The following NT5C3A variants were observed in gnomAD, a reference collection of about 807,000 sequenced individuals.
NT5C3A encodes 5'-nucleotidase, cytosolic IIIA.
Under a neutral mutation model 40.0 loss-of-function variants are expected in NT5C3A, and 23 were observed. The ratio of observed to expected loss-of-function variants is 0.58; its 90% CI spans 0.41 to 0.81. NT5C3A has a LOEUF of 0.81. Ranked by LOEUF, NT5C3A falls within the 40% of genes least tolerant of loss-of-function variation. The pLI, the probability that NT5C3A is intolerant of heterozygous loss-of-function variation, is 0.00. For missense variants in NT5C3A, 328 were observed against 403.0 expected (o/e 0.81, Z 1.59); for synonymous variants, 130 against 141.4 (o/e 0.92, Z 0.57).
At chr7:33,061,452 C>T (rs1014812462) in intron 1 of NT5C3A, among the ~76,000 whole-genome samples, 4 of 152,042 alleles carry the variant, frequency 2.6e-5, no homozygotes. Flanking sequence ...CAGTAGCTAT[C>T]CACAGGTGTG....
At chr7:33,041,060 C>T in intron 1 of NT5C3A, 1 of 985,386 alleles carries the variant, frequency 1.0e-6, no homozygotes, top group Non-Finnish European at 1.2e-6. Context: ...TAGCTCTGAG[C>T]TAGTCACAAG....
chr7:33,054,948 A>G (rs4723242), intron 1 of NT5C3A, among the ~76,000 whole-genome samples: 110,273 of 152,122 alleles, frequency 0.72, 40,243 homozygotes, highest in African/African-American at 0.79. Flanking sequence ...TAGGACATAC[A>G]AAGGAGGTGG....
chr7:33,026,954 T>G, intron 1 of NT5C3A, 39 bp from the exon 2 acceptor site: 1 of 1,398,968 alleles, frequency 7.1e-7, no homozygotes, highest in Non-Finnish European at 1.0e-6. Flanking sequence ...GTTTTCATTC[T>G]TCTTTCCCCA....
chr7:33,055,217 C>T (rs1185558407), intron 1 of NT5C3A, among the ~76,000 whole-genome samples: 1 of 151,712 alleles, frequency 6.6e-6, no homozygotes, highest in African/African-American at 2.4e-5. Flanking sequence ...CCCAGCTACT[C>T]GGGAGACTGA....
At chr7:33,029,961 T>C (rs1786157149) in intron 1 of NT5C3A, among the ~76,000 whole-genome samples, 1 of 152,160 alleles carries the variant, frequency 6.6e-6, no homozygotes, top group African/African-American at 2.4e-5. Flanking sequence ...TCATTTTCAT[T>C]GTGTATTCAT....
Position 33,017,559 on chromosome 7 carries a change from G to A in NT5C3A, c.573C>T (p.Ser191=). The change falls in exon 7 of 9, where the codon AGC becomes AGT. Residue 191 remains serine (S), a synonymous_variant. Coordinates refer to ENST00000610140, the MANE Select transcript of NT5C3A (RefSeq NM_001002010.5). ...CAGCCGAAAATATGAACACGGGGAT[G>A]CTATGTTGTTGGAGCTTATCAAAGA... is the stretch of plus-strand genomic sequence containing the variant. ...ENFFDKLQQH[S]IPVFIFSAGI... The A allele has an allele frequency of 6.2e-7, 1 of 1,613,762 alleles. No individual in the cohort carries two copies. Among genetic ancestry groups the A allele is most frequent in the Non-Finnish European group, 8.5e-7 (1 of 1,179,650 alleles).
chr7:33,037,731 A>C (rs1786686138), intron 1 of NT5C3A, among the ~76,000 whole-genome samples: 1 of 152,166 alleles, frequency 6.6e-6, no homozygotes. Flanking sequence ...ATAACTTGCA[A>C]TTTTTCACAT....
chr7:33,046,313 G>C (rs1787149369), intron 1 of NT5C3A, among the ~76,000 whole-genome samples: 1 of 152,140 alleles, frequency 6.6e-6, no homozygotes, highest in Non-Finnish European at 1.5e-5. Context: ...GAGGTAGAAG[G>C]ATTGCTTGAG....
chr7:33,050,249 A>G (rs1787315397), intron 1 of NT5C3A, among the ~76,000 whole-genome samples: 1 of 152,222 alleles, frequency 6.6e-6, no homozygotes, highest in South Asian at 2.1e-4. Context: ...ACCAAACAAT[A>G]GCACAGTGCC....
intron 1 of NT5C3A, among the ~76,000 whole-genome samples, chr7:33,039,572 T>TTTTG (rs1786810493): frequency 1.4e-5 from 2 of 146,434 alleles, no homozygotes; most frequent in African/African-American, 5.0e-5. Context: ...GTTTTTTTTT[T>TTTTG]TTTTTAATGT....
chr7:33,031,873 C>G (rs1399459820), intron 1 of NT5C3A, among the ~76,000 whole-genome samples: 1 of 152,014 alleles, frequency 6.6e-6, no homozygotes, highest in African/African-American at 2.4e-5. Context: ...GCCTGGAATC[C>G]CAGCACTTAG....
chr7:33,035,726 C>A (rs758161814), intron 1 of NT5C3A, among the ~76,000 whole-genome samples: 13 of 152,128 alleles, frequency 8.5e-5, no homozygotes, highest in Non-Finnish European at 1.9e-4. Context: ...TTCTGAGAAG[C>A]ACGACAATGT....
intron 1 of NT5C3A, chr7:33,029,525 A>G (rs1786129082): frequency 3.6e-6 from 2 of 555,358 alleles, no homozygotes; most frequent in Admixed American, 5.0e-5. Flanking sequence ...GTTTGATTCA[A>G]TAACCAATCC....
chr7:33,014,181 T>A lies in NT5C3A; in HGVS notation c.*549A>T. 1 of 453,796 alleles carries A rather than the reference T, an allele frequency of 2.2e-6. No individual in the cohort carries two copies. Among genetic ancestry groups the A allele is most frequent in the Non-Finnish European group, 4.4e-6 (1 of 226,552 alleles). 28.1% of individuals were successfully genotyped at this position (453,796 alleles called of 1,614,324 possible). On this transcript the variant is annotated 3_prime_UTR_variant, in exon 9 of 9. Transcript: ENST00000610140. ...ATTATCAGTGCTTCAATATAGAATG[T>A]TTTGTAATGATTAGCAACATTGTAA...
chr7:33,028,051 C>T (rs972260471), intron 1 of NT5C3A, among the ~76,000 whole-genome samples: 2 of 152,186 alleles, frequency 1.3e-5, no homozygotes, highest in African/African-American at 4.8e-5. Flanking sequence ...TGAAAAGCTG[C>T]TTCAAGATCT....
At position 33,014,675 on chromosome 7, in the gene NT5C3A, G is replaced by A. The variant is rs752073533; in HGVS notation, c.*55C>T. ...AAATAAGTCTCTCAGCAAGATGAAC[G>A]GATGAACAGTTCAATTGCACCCACA... On this transcript the variant is annotated 3_prime_UTR_variant, in exon 9 of 9. Transcript: ENST00000610140. 1.2e-5 allele frequency: 19 copies of A among 1,601,540 alleles called. No individual in the cohort carries two copies. Among genetic ancestry groups the A allele is most frequent in the East Asian group, 4.5e-5 (2 of 44,516 alleles).
chr7:33,032,736 C>A (rs1269173644), intron 1 of NT5C3A, among the ~76,000 whole-genome samples: 1 of 151,388 alleles, frequency 6.6e-6, no homozygotes, highest in East Asian at 2.0e-4. Flanking sequence ...GGATTACAGG[C>A]ATCAGCCACT....
intron 1 of NT5C3A, among the ~76,000 whole-genome samples, chr7:33,046,887 T>C (rs1371742761): frequency 6.6e-6 from 1 of 151,232 alleles, no homozygotes; most frequent in East Asian, 1.9e-4. Context: ...CACTGCAGCC[T>C]CTGCTTCCCG....
rs117766427 is a variant in NT5C3A at position 33,047,799 on chromosome 7, G to T, written c.138+14769C>A. 4.1e-3 allele frequency among the ~76,000 whole-genome samples: 625 copies of T among 152,246 alleles called. 11 individuals are homozygous for T. The East Asian group carries it at 0.075, about 18-fold the overall frequency. Reference sequence around the variant, plus strand: ...CAACGTGTATTGTATGATATAAAAAGAATCAATACAAAATAAAATAGATAA... The same window carrying T: ...CAACGTGTATTGTATGATATAAAAATAATCAATACAAAATAAAATAGATAA... On this transcript the variant is annotated intron_variant, in intron 1 of 8. Coordinates refer to ENST00000610140, the MANE Select transcript of NT5C3A (RefSeq NM_001002010.5).
Sources: allele counts gnomAD v4.1 joint callset (sites outside exome capture counted in the v4.1 genomes callset), GRCh38; gene constraint gnomAD v4.1.1; transcripts MANE v1.5; gene names NCBI Gene and HGNC (gene_info 2026-07-23, HGNC 2026-07-21).